The following MRPL30 variants were observed in gnomAD, a reference collection of about 807,000 sequenced individuals.
The protein encoded by MRPL30 is large ribosomal subunit protein uL30m.
MRPL30 carries 10 observed loss-of-function variants against 17.2 expected under a neutral mutation model. The ratio of observed to expected loss-of-function variants is 0.58; its 90% CI spans 0.36 to 0.99. MRPL30 has a LOEUF of 0.99. Among genes scored for constraint, MRPL30 ranks in the 50% least tolerant of loss-of-function variants. The pLI is 0.01. For missense variants in MRPL30, 170 were observed against 189.8 expected, an observed-to-expected ratio of 0.90 and a Z score of 0.61; for synonymous variants, 61 against 62.1, an observed-to-expected ratio of 0.98 and a Z score of 0.08.
At position 99,195,099 on chromosome 2, in the gene MRPL30, G is replaced by T; in HGVS notation, c.280-17G>T. 5 of 1,552,434 alleles carry T rather than the reference G, an allele frequency of 3.2e-6. No individual in the cohort carries two copies. Among genetic ancestry groups the T allele is most frequent in the Non-Finnish European group, 4.3e-6 (5 of 1,150,498 alleles). On this transcript the variant is annotated splice_polypyrimidine_tract_variant and intron_variant, in intron 4 of 5. Coordinates refer to ENST00000338148, the MANE Select transcript of MRPL30 (RefSeq NM_145212.4). ...CTTTTCAGATTGATAACGTTGCTTT[G>T]TTGTTGTTGTTCACAGGCACATACC...
chr2:99,193,586 G>A (rs2093950506), intron 3 of MRPL30, among the ~76,000 whole-genome samples: 1 of 152,140 alleles, frequency 6.6e-6, no homozygotes, highest in Non-Finnish European at 1.5e-5. Context: ...TGGTACAGAT[G>A]ATGCACATAA....
At chr2:99,194,525 A>G (rs1173824428) in intron 3 of MRPL30, among the ~76,000 whole-genome samples, 1 of 152,220 alleles carries the variant, frequency 6.6e-6, no homozygotes, top group Non-Finnish European at 1.5e-5. Flanking sequence ...CATTTAAATT[A>G]TTTAGTGTTG....
At chr2:99,190,647 A>C (rs2093943430) in intron 3 of MRPL30, among the ~76,000 whole-genome samples, 2 of 152,146 alleles carry the variant, frequency 1.3e-5, no homozygotes, top group East Asian at 1.9e-4. Context: ...ATATCTTTCC[A>C]TGTTTCTTAC....
At chr2:99,183,971 T>C (rs2093930007) in intron 1 of MRPL30, among the ~76,000 whole-genome samples, 1 of 152,244 alleles carries the variant, frequency 6.6e-6, no homozygotes. Context: ...GTTAGGTGTT[T>C]GGGAAGATAC....
chr2:99,185,365 G>A (rs2093932255), intron 1 of MRPL30, among the ~76,000 whole-genome samples: 1 of 152,096 alleles, frequency 6.6e-6, no homozygotes, highest in Admixed American at 6.6e-5. Flanking sequence ...CACATGCCAG[G>A]TACTGTTTTA....
rs180906361 is a variant in MRPL30, at chr2:99,193,323, A to G, written c.133-1428A>G. On this transcript the variant is annotated intron_variant, in intron 3 of 5. Coordinates refer to ENST00000338148, the MANE Select transcript of MRPL30 (RefSeq NM_145212.4). ...GACGATTATTAAAAAGTCAAGAAAC[A>G]ATAGATGCTGGCAAGGCTGTGGAGA... 5.3e-5 allele frequency among the ~76,000 whole-genome samples: 8 copies of G among 152,344 alleles called. No homozygotes were observed. The East Asian group carries it at 1.5e-3, about 29-fold the overall frequency.
chr2:99,190,927 A>G (rs2093944245), intron 3 of MRPL30, among the ~76,000 whole-genome samples: 1 of 152,212 alleles, frequency 6.6e-6, no homozygotes, highest in South Asian at 2.1e-4. Context: ...TAAATAAAAT[A>G]AATGTGCAAG....
At chr2:99,183,974 G>A (rs1256914846) in intron 1 of MRPL30, among the ~76,000 whole-genome samples, 1 of 152,172 alleles carries the variant, frequency 6.6e-6, no homozygotes, top group Non-Finnish European at 1.5e-5. Flanking sequence ...AGGTGTTTGG[G>A]AAGATACTGG....
intron 5 of MRPL30, 30 bp from the exon 6 acceptor site, chr2:99,195,543 C>T: frequency 6.3e-7 from 1 of 1,584,424 alleles, no homozygotes; most frequent in Non-Finnish European, 8.5e-7. Context: ...ACGTATTCCT[C>T]CTATCTAAAC....
Position 99,197,835 on chromosome 2 carries a change from A to G in MRPL30, c.*2130A>G, listed in dbSNP as rs201915665. On this transcript the variant is annotated 3_prime_UTR_variant, in exon 6 of 6. Transcript: ENST00000338148. The stretch of plus-strand genomic sequence containing the variant: ...TTTTTTAAAATTTTTTGTAGAGCCA[A>G]GTGTTGCTATGTTGTCCACACTGAT... Among the ~76,000 whole-genome samples, 2 of 151,858 alleles carry G rather than the reference A, an allele frequency of 1.3e-5. No individual in the cohort carries two copies. Among genetic ancestry groups the G allele is most frequent in the Admixed American group, 6.6e-5 (1 of 15,242 alleles).
rs959254757 is a variant in MRPL30 at position 99,190,356 on chromosome 2, T to C, written c.132+2099T>C. Reference sequence around the variant, plus strand: ...AGGAGGATCTTTTGAGTCCAGGAATTCAAGACCAGCCTGGGCAACATAGTG... The same window carrying C: ...AGGAGGATCTTTTGAGTCCAGGAATCCAAGACCAGCCTGGGCAACATAGTG... On this transcript the variant is annotated intron_variant, in intron 3 of 5. Transcript: ENST00000338148. 2.0e-5 allele frequency among the ~76,000 whole-genome samples: 3 copies of C among 152,138 alleles called. No homozygotes were observed. In the South Asian group the frequency reaches 6.2e-4, roughly 32 times the overall value.
chr2:99,189,201 A>G (rs562801519), intron 3 of MRPL30, among the ~76,000 whole-genome samples: 7 of 152,184 alleles, frequency 4.6e-5, no homozygotes, highest in Non-Finnish European at 7.3e-5. Flanking sequence ...GTGAAGTTCT[A>G]TGGGTTTTGA....
rs1040689045 is a variant in MRPL30, at chr2:99,198,578, T to G, written c.*2873T>G. On this transcript the variant is annotated 3_prime_UTR_variant, in exon 6 of 6. Coordinates refer to ENST00000338148, the MANE Select transcript of MRPL30 (RefSeq NM_145212.4). The stretch of plus-strand genomic sequence containing the variant: ...AAGGAAGGGAGGAATTACACAGAAG[T>G]GTGACCACAGGAGGCAGGGCTCATG... 1.3e-5 allele frequency among the ~76,000 whole-genome samples: 2 copies of G among 152,182 alleles called. No homozygotes were observed. The highest frequency in any genetic ancestry group is 2.9e-5 in the Non-Finnish European group (2 of 68,028).
intron 1 of MRPL30, among the ~76,000 whole-genome samples, chr2:99,183,483 C>G (rs1441145036): frequency 6.6e-6 from 1 of 151,174 alleles, no homozygotes; most frequent in Non-Finnish European, 1.5e-5. Context: ...GCAGGATAAT[C>G]GGTTGAACCC....
rs2093956510 is a variant in MRPL30 at position 99,197,285 on chromosome 2, G to T, written c.*1580G>T. 1 of 152,166 alleles carries T rather than the reference G, an allele frequency of 6.6e-6. No individual in the cohort carries two copies. The highest frequency in any genetic ancestry group is 2.1e-4 in the South Asian group (1 of 4,836). The allele number at this position is 152,166 out of a possible 1,614,324, so 9.4% of individuals were successfully genotyped here. On this transcript the variant is annotated 3_prime_UTR_variant, in exon 6 of 6. Transcript: ENST00000338148. The stretch of plus-strand genomic sequence containing the variant: ...TACCCTTTGCTTCCCTTCACCTCTT[G>T]TAAAATTTGGCTTGGCAACAATGAC...
chr2:99,191,022 T>C (rs908249576), intron 3 of MRPL30, among the ~76,000 whole-genome samples: 2 of 152,066 alleles, frequency 1.3e-5, no homozygotes, highest in Non-Finnish European at 2.9e-5. Context: ...TTTTTTTTTT[T>C]TTGGAGACGG....
At chr2:99,186,395 C>T in intron 2 of MRPL30, 141 bp downstream of exon 2, 2 of 704,096 alleles carry the variant, frequency 2.8e-6, no homozygotes, top group Non-Finnish European at 4.7e-6. Flanking sequence ...TGCAGTGGCA[C>T]AATCTGGGCT....
intron 1 of MRPL30, among the ~76,000 whole-genome samples, chr2:99,183,985 A>G (rs886893549): frequency 3.9e-5 from 6 of 152,216 alleles, no homozygotes; most frequent in Non-Finnish European, 7.3e-5. Context: ...AAGATACTGG[A>G]AGAGAGTACC....
intron 1 of MRPL30, chr2:99,185,702 G>C: frequency 1.2e-5 from 5 of 403,156 alleles, no homozygotes; most frequent in South Asian, 8.8e-5. Flanking sequence ...GGAGAATGGG[G>C]TTCCAGACCA....
Sources: allele counts gnomAD v4.1 joint callset (sites outside exome capture counted in the v4.1 genomes callset), GRCh38; gene constraint gnomAD v4.1.1; transcripts MANE v1.5; gene names NCBI Gene and HGNC (gene_info 2026-07-23, HGNC 2026-07-21).